The following TOX variants were observed in gnomAD, a reference collection of about 807,000 sequenced individuals.
TOX encodes thymocyte selection associated high mobility group box, also known as thymocyte selection-associated high mobility group box protein TOX.
In TOX, 11 loss-of-function variants were observed where a neutral mutation model predicts 53.7. The ratio of observed to expected loss-of-function variants is 0.20; its 90% confidence interval spans 0.13 to 0.34. The LOEUF (loss-of-function observed/expected upper bound fraction) is 0.34, where lower values mean the gene tolerates loss of function less well. Ranked by LOEUF, TOX falls within the 10% of genes least tolerant of loss-of-function variation. The probability of loss-of-function intolerance (pLI) is 1.00; values close to 1 mark genes in which losing one functional copy is unlikely to be tolerated. For missense variants in TOX, 570 were observed against 664.6 expected (o/e 0.86, Z 1.56); for synonymous variants, 225 against 245.3 (o/e 0.92, Z 0.77).
chr8:58,928,580 T>C (rs935729240), intron 3 of TOX, among the ~76,000 whole-genome samples: 3 of 152,124 alleles, frequency 2.0e-5, no homozygotes, highest in Non-Finnish European at 4.4e-5. Flanking sequence ...ATGTGAAAAA[T>C]AGTTACGTGA....
At chr8:58,989,315 C>CAA (rs144152695) in intron 1 of TOX, among the ~76,000 whole-genome samples, 3 of 140,690 alleles carry the variant, frequency 2.1e-5, no homozygotes, top group Non-Finnish European at 3.1e-5. Context: ...GACTCTATCT[C>CAA]AAAAAAAAAA....
intron 3 of TOX, among the ~76,000 whole-genome samples, chr8:58,864,426 C>T (rs927747488): frequency 2.0e-5 from 3 of 152,126 alleles, no homozygotes; most frequent in African/African-American, 7.2e-5. Flanking sequence ...AAATACACTA[C>T]CATTTGATAC....
intron 1 of TOX, among the ~76,000 whole-genome samples, chr8:59,047,426 A>C (rs903513083): frequency 1.3e-5 from 2 of 150,260 alleles, no homozygotes; most frequent in African/African-American, 4.9e-5. Flanking sequence ...ACGGGGTTTC[A>C]CCTTGTTAGC....
At chr8:58,957,417 C>A (rs6471762) in intron 2 of TOX, among the ~76,000 whole-genome samples, 42 of 152,070 alleles carry the variant, frequency 2.8e-4, no homozygotes, top group African/African-American at 9.7e-4. Flanking sequence ...CTATCAGTTA[C>A]AAAACTATAT....
intron 1 of TOX, among the ~76,000 whole-genome samples, chr8:59,033,308 C>T (rs913625636): frequency 5.3e-5 from 8 of 152,218 alleles, no homozygotes; most frequent in Non-Finnish European, 7.3e-5. Context: ...CCCTAGCACA[C>T]AGTAGGCACT....
At chr8:58,849,925 C>T (rs1326913636) in intron 4 of TOX, among the ~76,000 whole-genome samples, 3 of 152,096 alleles carry the variant, frequency 2.0e-5, no homozygotes, top group African/African-American at 7.2e-5. Context: ...TACTCATTGG[C>T]CATTAGGTGT....
chr8:59,064,073 C>T (rs1416157265), intron 1 of TOX, among the ~76,000 whole-genome samples: 1 of 151,968 alleles, frequency 6.6e-6, no homozygotes, highest in South Asian at 2.1e-4. Flanking sequence ...TATTGAAGTG[C>T]TTGGGGTGGG....
chr8:58,981,001 TTC>T (rs754311478), intron 1 of TOX, among the ~76,000 whole-genome samples: 2 of 152,220 alleles, frequency 1.3e-5, no homozygotes, highest in African/African-American at 4.8e-5. Flanking sequence ...TCCAACTTTA[TTC>T]TCTCTGTTTA....
intron 1 of TOX, among the ~76,000 whole-genome samples, chr8:59,004,166 A>G (rs1813745343): frequency 6.6e-6 from 1 of 152,228 alleles, no homozygotes; most frequent in Admixed American, 6.5e-5. Context: ...AAAACAGTTC[A>G]ATGTCATTTC....
chr8:58,862,658 C>A (rs775271151), intron 3 of TOX, among the ~76,000 whole-genome samples: 1 of 152,034 alleles, frequency 6.6e-6, no homozygotes, highest in African/African-American at 2.4e-5. Flanking sequence ...GTGCACCGAA[C>A]CATGAAATTA....
At chr8:59,007,221 C>CT (rs34054301) in intron 1 of TOX, among the ~76,000 whole-genome samples, 12,386 of 149,868 alleles carry the variant, frequency 0.083, 620 homozygotes, top group Middle Eastern at 0.18. Flanking sequence ...GGGCTGTCAT[C>CT]TTTTTTTTTT....
At chr8:59,030,635 G>A (rs1814336701) in intron 1 of TOX, among the ~76,000 whole-genome samples, 1 of 152,162 alleles carries the variant, frequency 6.6e-6, no homozygotes, top group South Asian at 2.1e-4. Context: ...GCTTTGAGCT[G>A]TTCTAGAGTT....
chr8:59,074,604 C>G (rs1418906280), intron 1 of TOX, among the ~76,000 whole-genome samples: 2 of 151,974 alleles, frequency 1.3e-5, no homozygotes, highest in African/African-American at 4.8e-5. Context: ...ATATTAAGGA[C>G]TAAGATATAG....
intron 1 of TOX, among the ~76,000 whole-genome samples, chr8:59,017,765 A>G (rs1814042914): frequency 6.6e-6 from 1 of 152,196 alleles, no homozygotes; most frequent in Non-Finnish European, 1.5e-5. Context: ...AGGTGTCTAG[A>G]GCTATTTTTC....
At chr8:58,828,207 T>C (rs1025425236) in intron 5 of TOX, among the ~76,000 whole-genome samples, 8 of 152,220 alleles carry the variant, frequency 5.3e-5, no homozygotes, top group Non-Finnish European at 1.0e-4. Context: ...GTGAGAAATA[T>C]TGTTTATTCA....
In TOX at chr8:59,092,262, ATT is replaced by A. The variant is rs376312907; in HGVS notation, c.102+26622_102+26623del. On this transcript the variant is annotated intron_variant, in intron 1 of 8. Transcript: ENST00000361421. ...GCAAGACTCCATCTCATATATATAT[ATT>A]TTATATATATATATATATTATATAT... Among the ~76,000 whole-genome samples, 393 of 57,576 alleles carry A rather than the reference ATT, an allele frequency of 6.8e-3. 30 individuals carry two copies. Among genetic ancestry groups the A allele is most frequent in the African/African-American group, 0.02 (299 of 15,136 alleles). 37.8% of individuals were successfully genotyped at this position (57,576 alleles called of 152,430 possible).
chr8:59,003,398 C>A (rs1200383782), intron 1 of TOX, among the ~76,000 whole-genome samples: 1 of 152,174 alleles, frequency 6.6e-6, no homozygotes, highest in Non-Finnish European at 1.5e-5. Context: ...TCCATTCTCA[C>A]CTGATCCTGG....
chr8:58,911,357 T>C (rs1811905054), intron 3 of TOX, among the ~76,000 whole-genome samples: 1 of 152,212 alleles, frequency 6.6e-6, no homozygotes, highest in African/African-American at 2.4e-5. Flanking sequence ...AATATCTACA[T>C]ATAATTGGAA....
intron 1 of TOX, among the ~76,000 whole-genome samples, chr8:59,016,346 T>G (rs957241576): frequency 6.6e-6 from 1 of 152,272 alleles, no homozygotes; most frequent in Middle Eastern, 3.4e-3. Context: ...AAAACTGGAG[T>G]GATCCACTTA....
Sources: gnomAD v4.1 joint callset for allele counts (sites outside exome capture counted in the v4.1 genomes callset) on GRCh38, gnomAD v4.1.1 for gene constraint, MANE v1.5 for transcripts, NCBI Gene and HGNC (gene_info 2026-07-23, HGNC 2026-07-21) for gene names.